Variants in ACACB observed in about 807,000 individuals in gnomAD.
The protein encoded by ACACB is acetyl-CoA carboxylase beta, also known as acetyl-CoA carboxylase 2.
A neutral mutation model predicts 278.8 loss-of-function variants in ACACB; 209 were observed. That is an observed-to-expected ratio of 0.75 (90% CI 0.67 to 0.84). ACACB has a LOEUF of 0.84. Ranked by LOEUF, ACACB falls within the 40% of genes least tolerant of loss-of-function variation. The pLI is 0.00. For missense variants in ACACB, 2,850 were observed against 3,269.0 expected (o/e 0.87, Z 3.13); for synonymous variants, 1,174 against 1,285.6 (o/e 0.91, Z 1.86).
chr12:109,179,328 CA>C, intron 10 of ACACB, 31 bp downstream of exon 10: 1 of 1,598,846 alleles, frequency 6.3e-7, no homozygotes, highest in Non-Finnish European at 8.5e-7. Context: ...GGGGCAGCTT[CA>C]GAGAGAGCCG....
intron 37 of ACACB, 21 bp from the exon 38 acceptor site, chr12:109,245,605 T>C (rs766066925): frequency 6.2e-7 from 1 of 1,608,580 alleles, no homozygotes; most frequent in Non-Finnish European, 8.5e-7. Flanking sequence ...AAGTTTTTTC[T>C]CTTTCCTCTT....
At position 109,179,177 on chromosome 12, in the gene ACACB, G is replaced by C. The variant is rs771809689; in HGVS notation, c.1527G>C (p.Gln509His). ...TGGAAGTTCAGATCCTCGCTGACCA[G>C]TATGGGAATGCTGTGTCTCTGTTTG... ...RHLEVQILADQYGNAVSLFGR... is the reference protein window; with the variant it reads ...RHLEVQILADHYGNAVSLFGR... The change falls in exon 10 of 53, where the codon CAG becomes CAC. Residue 509 changes from glutamine (Q) to histidine (H), a missense_variant. By Grantham distance (24) the Gln-to-His change is conservative (BLOSUM62 0). Transcript: ENST00000338432. The C allele has an allele frequency of 1.3e-5, 21 of 1,614,010 alleles. No individual in the cohort carries two copies. The highest frequency in any genetic ancestry group is 7.7e-5 in the South Asian group (7 of 91,072).
intron 24 of ACACB, among the ~76,000 whole-genome samples, 172 bp downstream of exon 24, chr12:109,217,092 GC>G (rs1255200491): frequency 2.0e-5 from 3 of 152,118 alleles, no homozygotes; most frequent in Non-Finnish European, 4.4e-5. Flanking sequence ...GACCAGCCTG[GC>G]TAACATAGTG....
rs1372985052 is a variant in ACACB at position 109,232,787 on chromosome 12, A to G, written c.4120A>G (p.Arg1374Gly). The G allele has an allele frequency of 6.8e-6, 11 of 1,613,982 alleles. No individual in the cohort carries two copies. Among genetic ancestry groups the G allele is most frequent in the Non-Finnish European group, 9.3e-6 (11 of 1,180,028 alleles). The change falls in exon 29 of 53, where the codon AGA becomes GGA. Residue 1374 changes from arginine (R) to glycine (G), a missense_variant. By Grantham distance (125) the Arg-to-Gly change is moderately radical. Transcript: ENST00000338432. ...CATGGGAGCCATGGTAGCCTTCAGG[A>G]GATTCGAGGACTTCACCAGGTACCC... Reference protein sequence around the residue: ...QRMGAMVAFRRFEDFTRNFDE... With the variant: ...QRMGAMVAFRGFEDFTRNFDE...
In ACACB at chr12:109,162,756, A is replaced by C. The variant is rs116832520; in HGVS notation, c.654-4105A>C. Among the ~76,000 whole-genome samples, 1,378 of 152,180 alleles carry C rather than the reference A, an allele frequency of 9.1e-3. 31 individuals are homozygous for C. Among genetic ancestry groups the C allele is most frequent in the African/African-American group, 0.031 (1,283 of 41,520 alleles). On this transcript the variant is annotated intron_variant, in intron 2 of 52. Coordinates refer to ENST00000338432, the MANE Select transcript of ACACB (RefSeq NM_001093.4). ...TTCTCCCTGGGGAATCTGGCCAGCG[A>C]GAGAGAAAGACACAAAGATACTGAC...
chr12:109,184,614 G>A (rs967017496), intron 11 of ACACB, among the ~76,000 whole-genome samples: 5 of 151,990 alleles, frequency 3.3e-5, no homozygotes, highest in African/African-American at 4.8e-5. Flanking sequence ...CCAACCCAGG[G>A]TGACACATTC....
intron 44 of ACACB, among the ~76,000 whole-genome samples, chr12:109,255,605 A>G (rs1234481317): frequency 1.3e-5 from 2 of 152,186 alleles, no homozygotes; most frequent in South Asian, 4.1e-4. Context: ...AGCCACAGCC[A>G]TTTACGCTGT....
chr12:109,225,678 T>C (rs2046293218), intron 27 of ACACB, among the ~76,000 whole-genome samples: 1 of 152,234 alleles, frequency 6.6e-6, no homozygotes, highest in African/African-American at 2.4e-5. Context: ...TCCTGTTCAG[T>C]TGAAAAGCTT....
intron 24 of ACACB, among the ~76,000 whole-genome samples, chr12:109,222,301 G>A (rs2046191496): frequency 6.6e-6 from 1 of 152,032 alleles, no homozygotes; most frequent in Admixed American, 6.6e-5. Flanking sequence ...GGCCGAGTGA[G>A]TGAGTGAGTG....
At chr12:109,150,870 T>G (rs928923926) in intron 2 of ACACB, among the ~76,000 whole-genome samples, 15 of 152,266 alleles carry the variant, frequency 9.9e-5, no homozygotes, top group Non-Finnish European at 2.1e-4. Flanking sequence ...TTTATTCATT[T>G]ATTGACTTAG....
intron 12 of ACACB, among the ~76,000 whole-genome samples, chr12:109,187,481 G>A (rs2044704630): frequency 6.9e-6 from 1 of 145,134 alleles, no homozygotes; most frequent in Admixed American, 6.9e-5. Flanking sequence ...ATTTATTTGA[G>A]ACAGGTTCTT....
intron 2 of ACACB, among the ~76,000 whole-genome samples, chr12:109,150,642 C>T (rs1247772609): frequency 6.6e-6 from 1 of 152,116 alleles, no homozygotes; most frequent in Non-Finnish European, 1.5e-5. Context: ...GAAGGAATAC[C>T]AGGAAAGGGA....
chr12:109,224,707 T>C (rs572601802), intron 27 of ACACB, among the ~76,000 whole-genome samples: 1 of 152,084 alleles, frequency 6.6e-6, no homozygotes, highest in South Asian at 2.1e-4. Flanking sequence ...AATTTTTGTA[T>C]TGTTAGTAGA....
intron 27 of ACACB, among the ~76,000 whole-genome samples, chr12:109,224,512 C>A (rs2046262096): frequency 6.7e-6 from 1 of 150,134 alleles, no homozygotes; most frequent in Non-Finnish European, 1.5e-5. Flanking sequence ...TCCAGGAAAT[C>A]AGAGTTTTAA....
In ACACB at chr12:109,191,710, A is replaced by G; in HGVS notation, c.2242A>G (p.Asn748Asp). The change falls in exon 14 of 53, where the codon AAC (asparagine) becomes GAC (aspartate). Residue 748 changes from asparagine (N) to aspartate (D), a missense_variant. Physicochemically the swap from Asn to Asp is conservative, Grantham distance 23. This residue lies in a region of ACACB where 2,265 missense variants were observed against 2,561.3 expected (regional missense o/e 0.88). Coordinates refer to ENST00000338432, the MANE Select transcript of ACACB (RefSeq NM_001093.4). Reference sequence around the variant, plus strand: ...CCTCCTGGAGACCGAGAGCTTCCAGAACAACGACATCGACACCGGGTGGTT... The same window carrying G: ...CCTCCTGGAGACCGAGAGCTTCCAGGACAACGACATCGACACCGGGTGGTT... ...INLLETESFQ[N>D]NDIDTGWLDY... 6.2e-7 allele frequency: 1 copy of G among 1,614,210 alleles called. No individual in the cohort carries two copies. Among genetic ancestry groups the G allele is most frequent in the African/African-American group, 1.3e-5 (1 of 75,054 alleles).
intron 19 of ACACB, 43 bp from the exon 20 acceptor site, chr12:109,206,667 C>T (rs1444636840): frequency 6.2e-7 from 1 of 1,609,730 alleles, no homozygotes; most frequent in Non-Finnish European, 8.5e-7. Flanking sequence ...ATTTGGAATT[C>T]CCAGAGTTTT....
intron 2 of ACACB, among the ~76,000 whole-genome samples, chr12:109,146,831 C>T (rs1331934532): frequency 1.3e-5 from 2 of 151,728 alleles, no homozygotes; most frequent in African/African-American, 4.8e-5. Context: ...CGTGCCACCA[C>T]AGCTGGCTAA....
chr12:109,140,381 G>A (rs534007472), intron 2 of ACACB, among the ~76,000 whole-genome samples: 1 of 148,158 alleles, frequency 6.7e-6, no homozygotes, highest in Non-Finnish European at 1.5e-5. Flanking sequence ...TTGAGGCTGG[G>A]CACAGTGGCT....
rs547982339 is a variant in ACACB, at chr12:109,245,699, A to T, written c.5252A>T (p.Asp1751Val). Residue 1751 changes from aspartate (D) to valine (V), a missense_variant, in exon 38 of 53, where the codon GAC (aspartate) becomes GTC (valine). Physicochemically the swap from Asp to Val is radical, Grantham distance 152 (BLOSUM62 -3). Coordinates refer to ENST00000338432, the MANE Select transcript of ACACB (RefSeq NM_001093.4). The part of the protein sequence containing the change: ...DILTYTELVL[D>V]SQGQLVEMNR... The stretch of plus-strand genomic sequence containing the variant: ...CTGACATACACTGAATTAGTGTTGG[A>T]CTCTCAGGGCCAGCTGGTGGAGATG... 2 of 1,613,976 alleles carry T rather than the reference A, an allele frequency of 1.2e-6. No homozygotes were observed. The highest frequency in any genetic ancestry group is 1.7e-6 in the Non-Finnish European group (2 of 1,180,024).
Sources: gnomAD v4.1 joint callset for allele counts (sites outside exome capture counted in the v4.1 genomes callset) on GRCh38, gnomAD v4.1.1 for gene constraint, gnomAD v4.1.1 regional missense constraint, MANE v1.5 for transcripts, NCBI Gene and HGNC (gene_info 2026-07-23, HGNC 2026-07-21) for gene names.